The following DMD variants were observed in gnomAD, a reference collection of about 807,000 sequenced individuals.
The protein encoded by DMD is dystrophin.
DMD carries 63 observed loss-of-function variants against 330.1 expected under a neutral mutation model. The ratio of observed to expected loss-of-function variants is 0.19; its 90% CI spans 0.16 to 0.24. The LOEUF (loss-of-function observed/expected upper bound fraction) is 0.24. Ranked by LOEUF, DMD falls within the 10% of genes least tolerant of loss-of-function variation. The pLI, the probability that DMD is intolerant of heterozygous loss-of-function variation, is 1.00. For missense variants in DMD, 3,344 were observed against 2,684.1 expected (o/e 1.25, Z -5.43); for synonymous variants, 1,223 against 959.8 (o/e 1.27, Z -5.07).
chrX:32,568,647 C>T (rs2149109683), intron 15 of DMD, among the ~76,000 whole-genome samples: 1 of 111,465 alleles, frequency 9.0e-6, no homozygotes, highest in South Asian at 3.7e-4. Context: ...AGACTTATAC[C>T]TAGTAAATTT....
intron 47 of DMD, among the ~76,000 whole-genome samples, chrX:31,922,495 GGT>G (rs765621749): frequency 4.8e-3 from 463 of 97,338 alleles, no homozygotes; most frequent in Non-Finnish European, 6.7e-3. Flanking sequence ...ACTTGAGACT[GGT>G]GTGTGTGTGT....
chrX:32,598,293 C>G (rs1465547600), intron 12 of DMD, among the ~76,000 whole-genome samples: 1 of 111,781 alleles, frequency 8.9e-6, no homozygotes, highest in African/African-American at 3.2e-5. Context: ...TAATAAAACT[C>G]TTTTTGCCAT....
chrX:32,936,322 G>A, intron 2 of DMD, among the ~76,000 whole-genome samples: 1 of 111,413 alleles, frequency 9.0e-6, no homozygotes, highest in East Asian at 2.8e-4. Context: ...CTTTGGTCAG[G>A]CTGGTCTCGA....
rs1384700595 is a variant in DMD at position 32,805,420 on chromosome X, A to G, written c.649+4073T>C. Among the ~76,000 whole-genome samples, 33 of 111,766 alleles carry G rather than the reference A, an allele frequency of 3.0e-4. No individual in the cohort carries two copies. In the Admixed American group the frequency reaches 3.1e-3, roughly 11 times the overall value. ...GTGAAGACAAGATTAGAGAAAAAAG[A>G]ATGAAAAGGAATGAACAAAGCCTCC... On this transcript the variant is annotated intron_variant, in intron 7 of 78. Transcript: ENST00000357033.
chrX:32,332,627 G>A (rs2097686528), intron 41 of DMD, among the ~76,000 whole-genome samples: 1 of 110,664 alleles, frequency 9.0e-6, no homozygotes, highest in African/African-American at 3.3e-5. Context: ...AACATAGGTG[G>A]AGCAGAGGAA....
At chrX:32,451,028 C>T (rs922592138) in intron 26 of DMD, among the ~76,000 whole-genome samples, 1 of 111,031 alleles carries the variant, frequency 9.0e-6, no homozygotes, top group South Asian at 3.8e-4. Flanking sequence ...CTCATAAAAA[C>T]GGTGGCTCTT....
At chrX:32,503,075 C>T (rs1256560114) in intron 18 of DMD, among the ~76,000 whole-genome samples, 3 of 111,854 alleles carry the variant, frequency 2.7e-5, no homozygotes, top group African/African-American at 6.5e-5. Context: ...GATTGTACAG[C>T]GCAGATCTAA....
chrX:32,680,355 G>T (rs891895975), intron 9 of DMD, among the ~76,000 whole-genome samples: 3 of 111,404 alleles, frequency 2.7e-5, no homozygotes, highest in African/African-American at 9.8e-5. Flanking sequence ...TACTGACTTT[G>T]AATATTGTTT....
intron 2 of DMD, among the ~76,000 whole-genome samples, chrX:32,981,078 A>G (rs1202366808): frequency 2.7e-5 from 3 of 111,793 alleles, no homozygotes; most frequent in Non-Finnish European, 5.6e-5. Flanking sequence ...ATGGAGGGAC[A>G]GGGAAAACGG....
intron 1 of DMD, among the ~76,000 whole-genome samples, chrX:33,070,638 C>T (rs868764915): frequency 4.4e-4 from 12 of 27,204 alleles, no homozygotes; most frequent in Non-Finnish European, 5.2e-4. Context: ...TGTATCTATC[C>T]ATCTCTCTCT....
At chrX:32,283,180 G>A (rs60225179) in intron 43 of DMD, among the ~76,000 whole-genome samples, 2,001 of 111,384 alleles carry the variant, frequency 0.018, 34 homozygotes, top group African/African-American at 0.061. Flanking sequence ...ATGGAACCTA[G>A]CTCTACTAAC....
chrX:31,393,538 A>G (rs1291416576), intron 60 of DMD, among the ~76,000 whole-genome samples: 1 of 109,677 alleles, frequency 9.1e-6, no homozygotes, highest in Non-Finnish European at 1.9e-5. Context: ...CAAATATTCC[A>G]TAGGATGGTG....
intron 52 of DMD, among the ~76,000 whole-genome samples, chrX:31,682,029 C>T (rs113143663): frequency 3.6e-5 from 4 of 111,883 alleles, no homozygotes; most frequent in Non-Finnish European, 7.5e-5. Flanking sequence ...TGCAGTGAGC[C>T]GAGATCATGC....
intron 34 of DMD, among the ~76,000 whole-genome samples, chrX:32,371,824 G>A (rs1208247933): frequency 9.0e-6 from 1 of 111,504 alleles, no homozygotes; most frequent in African/African-American, 3.3e-5. Flanking sequence ...AATCACAACA[G>A]TGGGGACAGA....
chrX:33,174,071 C>A (rs987052326), intron 1 of DMD, among the ~76,000 whole-genome samples: 2 of 107,711 alleles, frequency 1.9e-5, no homozygotes, highest in South Asian at 8.3e-4. Context: ...CCAGAATCCC[C>A]AGACCCTGCA....
intron 7 of DMD, among the ~76,000 whole-genome samples, chrX:32,775,978 T>C (rs746968963): frequency 4.5e-5 from 5 of 112,246 alleles, no homozygotes; most frequent in Admixed American, 1.9e-4. Flanking sequence ...CCGTATGTTT[T>C]CAGAAAAAGT....
intron 41 of DMD, among the ~76,000 whole-genome samples, chrX:32,331,389 ATTT>A (rs1386529274): frequency 1.8e-5 from 2 of 111,580 alleles, no homozygotes; most frequent in East Asian, 2.8e-4. Flanking sequence ...AATGAGTTAT[ATTT>A]TTTTAATTTT....
At chrX:32,746,959 T>C (rs1291805180) in intron 7 of DMD, among the ~76,000 whole-genome samples, 1 of 112,134 alleles carries the variant, frequency 8.9e-6, no homozygotes, top group East Asian at 2.8e-4. Flanking sequence ...ACTTGTGATA[T>C]TTATCTCTTC....
intron 2 of DMD, among the ~76,000 whole-genome samples, chrX:32,876,785 G>C (rs1057111705): frequency 5.4e-5 from 6 of 111,784 alleles, no homozygotes; most frequent in Non-Finnish European, 1.1e-4. Flanking sequence ...TCAGTTTTCA[G>C]CTACATTCAC....
Sources: gnomAD v4.1 joint callset for allele counts (sites outside exome capture counted in the v4.1 genomes callset) on GRCh38, gnomAD v4.1.1 for gene constraint, MANE v1.5 for transcripts, NCBI Gene and HGNC (gene_info 2026-07-23, HGNC 2026-07-21) for gene names.